The following MYH11 variants were observed in gnomAD, a reference collection of about 807,000 sequenced individuals.
The protein encoded by MYH11 is myosin-11.
Under a neutral mutation model 246.6 loss-of-function variants are expected in MYH11, and 80 were observed. The ratio of observed to expected loss-of-function variants is 0.32; its 90% CI spans 0.27 to 0.39. The LOEUF (loss-of-function observed/expected upper bound fraction) is 0.39. Ranked by LOEUF, MYH11 falls within the 10% of genes least tolerant of loss-of-function variation. The pLI is 1.00. For missense variants in MYH11, 2,158 were observed against 2,546.8 expected, an observed-to-expected ratio of 0.85 and a Z score of 3.29; for synonymous variants, 1,071 against 1,015.5, an observed-to-expected ratio of 1.05 and a Z score of -1.04.
chr16:15,726,660 G>T (rs2040776690), intron 28 of MYH11, 188 bp downstream of exon 28: 2 of 707,736 alleles, frequency 2.8e-6, no homozygotes, highest in Admixed American at 2.2e-5. Flanking sequence ...GAGCCACCGT[G>T]CCTGGCCAGA....
intron 12 of MYH11, 122 bp from the exon 13 acceptor site, chr16:15,758,122 C>T: frequency 1.4e-6 from 2 of 1,437,470 alleles, no homozygotes; most frequent in South Asian, 1.2e-5. Flanking sequence ...TTCTGCCATC[C>T]CAGCACCCAG....
chr16:15,758,093 A>G (rs2041778531), intron 12 of MYH11, 93 bp from the exon 13 acceptor site: 1 of 1,574,712 alleles, frequency 6.4e-7, no homozygotes, highest in African/African-American at 1.3e-5. Flanking sequence ...CAGCGCCCCC[A>G]TGGCCCGCCC....
intron 40 of MYH11, chr16:15,714,582 G>C (rs143099185): frequency 2.1e-4 from 99 of 479,148 alleles, no homozygotes; most frequent in African/African-American, 1.7e-3. Context: ...AATGGATGTC[G>C]TGAAGACTCA....
intron 3 of MYH11, among the ~76,000 whole-genome samples, chr16:15,807,375 G>A (rs1169944180): frequency 6.6e-6 from 1 of 152,128 alleles, no homozygotes; most frequent in Non-Finnish European, 1.5e-5. Flanking sequence ...CGTAAGAGAT[G>A]AGCAGTGCTA....
Position 15,740,203 on chromosome 16 carries a change from G to A in MYH11, c.2860-15C>T. ...TCTTCAAGGTCCTTTGTTGTGGAGGGAAAAGAGTAACAGCTTTGGTTATAA... is the reference window on the plus strand; with the variant it reads ...TCTTCAAGGTCCTTTGTTGTGGAGGAAAAAGAGTAACAGCTTTGGTTATAA... On this transcript the variant is annotated splice_polypyrimidine_tract_variant and intron_variant, in intron 22 of 40. Coordinates refer to ENST00000300036, the MANE Select transcript of MYH11 (RefSeq NM_002474.3). The A allele has an allele frequency of 6.2e-7, 1 of 1,614,082 alleles. No homozygotes were observed. Among genetic ancestry groups the A allele is most frequent in the Non-Finnish European group, 8.5e-7 (1 of 1,179,984 alleles).
intron 10 of MYH11, 55 bp downstream of exon 10, chr16:15,763,741 T>TCGGGGGCCCCCCCCCCCCC: frequency 3.1e-6 from 2 of 646,848 alleles, no homozygotes; most frequent in East Asian, 3.2e-5. Context: ...AAATGTCACC[T>TCGGGGGCCCCCCCCCCCCC]CCCCCACCCC....
At chr16:15,774,675 C>T (rs1239649589) in intron 8 of MYH11, among the ~76,000 whole-genome samples, 1 of 152,202 alleles carries the variant, frequency 6.6e-6, no homozygotes, top group Non-Finnish European at 1.5e-5. Context: ...CTGCAAACTC[C>T]ACCTTCTAGG....
chr16:15,718,278 G>A (rs781658122), intron 37 of MYH11, 37 bp downstream of exon 37: 2 of 1,605,664 alleles, frequency 1.2e-6, no homozygotes, highest in Non-Finnish European at 8.5e-7. Context: ...AGGAGAGACA[G>A]TAGGCAGCGT....
At position 15,747,908 on chromosome 16, in the gene MYH11, C is replaced by G. The variant is rs771806682; in HGVS notation, c.2216G>C (p.Gly739Ala). ...GCAGGCCTGCTTCCCGTCCATGAAGCCTTTGGGGATGGCATTCGCCGCCAG... is the reference window on the plus strand; with the variant it reads ...GCAGGCCTGCTTCCCGTCCATGAAGGCTTTGGGGATGGCATTCGCCGCCAG... ...EILAANAIPK[G>A]FMDGKQACIL... The change falls in exon 18 of 41, where the codon GGC becomes GCC. Residue 739 changes from glycine (G) to alanine (A), a missense_variant. By Grantham distance (60) the Gly-to-Ala change is moderately conservative. Around this residue, in one of 11 missense-constraint regions of MYH11, gnomAD observed 56 missense variants for 47.2 expected, o/e 1.19. Transcript: ENST00000300036. 6 of 1,613,824 alleles carry G rather than the reference C, an allele frequency of 3.7e-6. No homozygotes were observed. Among genetic ancestry groups the G allele is most frequent in the Non-Finnish European group, 4.2e-6 (5 of 1,180,016 alleles).
Position 15,721,491 on chromosome 16 carries a change from C to T in MYH11, c.4509G>A (p.Glu1503=), listed in dbSNP as rs762889673. 2 of 1,614,206 alleles carry T rather than the reference C, an allele frequency of 1.2e-6. No individual in the cohort carries two copies. Among genetic ancestry groups the T allele is most frequent in the Non-Finnish European group, 1.7e-6 (2 of 1,180,040 alleles). Residue 1503 remains glutamate, a synonymous_variant, in exon 32 of 41, where the codon GAG becomes GAA. Coordinates refer to ENST00000300036, the MANE Select transcript of MYH11 (RefSeq NM_002474.3). The part of the protein sequence containing the change: ...EEALEAKEEL[E]RTNKMLKAEM... ...CGGCTTTGAGCATTTTGTTGGTCCG[C>T]TCGAGTTCCTCTTTGGCTTCCAAGG... is the stretch of plus-strand genomic sequence containing the variant.
intron 26 of MYH11, among the ~76,000 whole-genome samples, 169 bp downstream of exon 26, chr16:15,735,192 AGAAAG>A: frequency 6.8e-6 from 1 of 146,906 alleles, no homozygotes; most frequent in Non-Finnish European, 1.5e-5. Flanking sequence ...AAAAAAAAAA[AGAAAG>A]AAAAAAAAGA....
intron 31 of MYH11, among the ~76,000 whole-genome samples, chr16:15,722,420 G>C (rs1412661999): frequency 2.0e-5 from 3 of 152,194 alleles, no homozygotes. Flanking sequence ...AGAGAGAACA[G>C]AGCAGATTAT....
chr16:15,720,726 C>G (rs1010572384), intron 33 of MYH11, 113 bp downstream of exon 33: 1 of 1,196,744 alleles, frequency 8.4e-7, no homozygotes, highest in Non-Finnish European at 1.2e-6. Flanking sequence ...GAGCGAGACT[C>G]TGTTTCAAAA....
chr16:15,721,177 CG>C, intron 32 of MYH11, 126 bp from the exon 33 acceptor site: 1 of 1,115,590 alleles, frequency 9.0e-7, no homozygotes, highest in Non-Finnish European at 1.3e-6. Context: ...GATGCATGGC[CG>C]GGACTCAAGA....
At chr16:15,786,488 G>A (rs778436579) in intron 5 of MYH11, 142 bp downstream of exon 5, 35 of 860,194 alleles carry the variant, frequency 4.1e-5, no homozygotes, top group Admixed American at 2.9e-4. Flanking sequence ...CCAAAAAGAC[G>A]GTCCCTCTTT....
At position 15,753,482 on chromosome 16, in the gene MYH11, C is replaced by T. The variant is rs1239338323; in HGVS notation, c.1776G>A (p.Leu592=). ...GKVDYNASAW[L]TKNMDPLNDN... is the part of the protein sequence containing the mutation. Reference sequence around the variant, plus strand: ...CATTCAGCGGGTCCATATTCTTGGTCAGCCAGGCACTCGCATTATAGTCCA... The same window carrying T: ...CATTCAGCGGGTCCATATTCTTGGTTAGCCAGGCACTCGCATTATAGTCCA... The change falls in exon 15 of 41, where the codon CTG becomes CTA. Residue 592 remains leucine (L), a synonymous_variant. Transcript: ENST00000300036. 9 of 1,614,070 alleles carry T rather than the reference C, an allele frequency of 5.6e-6. No individual in the cohort carries two copies. Among genetic ancestry groups the T allele is most frequent in the Non-Finnish European group, 7.6e-6 (9 of 1,180,036 alleles).
chr16:15,780,237 A>G (rs2042315873), intron 6 of MYH11, among the ~76,000 whole-genome samples: 1 of 151,986 alleles, frequency 6.6e-6, no homozygotes, highest in Middle Eastern at 3.4e-3. Context: ...GATTTTGGAA[A>G]TCGGTGGAAG....
Position 15,751,221 on chromosome 16 carries a change from C to T in MYH11, c.1865-890G>A, listed in dbSNP as rs188529677. 3.1e-3 allele frequency among the ~76,000 whole-genome samples: 463 copies of T among 151,656 alleles called. 2 individuals carry two copies. Among genetic ancestry groups the T allele is most frequent in the African/African-American group, 0.01 (431 of 41,334 alleles). ...TGTTGGCCAGGCTGGAGTGCAATGGCGTGATCTCGGCTCACCACAACGTCC... is the reference window on the plus strand; with the variant it reads ...TGTTGGCCAGGCTGGAGTGCAATGGTGTGATCTCGGCTCACCACAACGTCC... On this transcript the variant is annotated intron_variant, in intron 15 of 40. Coordinates refer to ENST00000300036, the MANE Select transcript of MYH11 (RefSeq NM_002474.3).
chr16:15,823,682 T>C (rs1232911619), intron 2 of MYH11, among the ~76,000 whole-genome samples: 1 of 152,020 alleles, frequency 6.6e-6, no homozygotes, highest in Non-Finnish European at 1.5e-5. Flanking sequence ...TGGAGTGCGG[T>C]GGTGTGAACG....
Sources: allele counts gnomAD v4.1 joint callset (sites outside exome capture counted in the v4.1 genomes callset), GRCh38; gene constraint gnomAD v4.1.1; regional missense constraint gnomAD v4.1.1; transcripts MANE v1.5; gene names NCBI Gene and HGNC (gene_info 2026-07-23, HGNC 2026-07-21).